Variants in COL26A1 observed in about 807,000 individuals in gnomAD.
The protein encoded by COL26A1 is collagen alpha-1(XXVI) chain.
In COL26A1, 41 loss-of-function variants were observed where a neutral mutation model predicts 59.3. The ratio of observed to expected loss-of-function variants is 0.69; its 90% CI spans 0.54 to 0.90. COL26A1 has a LOEUF of 0.90. Among genes scored for constraint, COL26A1 ranks in the 40% least tolerant of loss-of-function variants. The pLI, the probability that COL26A1 is intolerant of heterozygous loss-of-function variation, is 0.00. For synonymous variants in COL26A1, 266 were observed against 256.0 expected (o/e 1.04, Z -0.37); for missense variants, 612 against 602.3 (o/e 1.02, Z -0.17).
At chr7:101,467,869 A>G (rs1793801903) in intron 3 of COL26A1, among the ~76,000 whole-genome samples, 1 of 152,006 alleles carries the variant, frequency 6.6e-6, no homozygotes, top group African/African-American at 2.4e-5. Context: ...TCCGTCTCAA[A>G]AGAAAAGAAA....
chr7:101,425,103 T>TACTCAGGAGAC (rs1554408984), intron 2 of COL26A1, among the ~76,000 whole-genome samples: 4 of 147,706 alleles, frequency 2.7e-5, no homozygotes, highest in Non-Finnish European at 4.6e-5. Context: ...AAAAAAAATT[T>TACTCAGGAGAC]TGGCCAGGCG....
intron 3 of COL26A1, among the ~76,000 whole-genome samples, chr7:101,488,011 G>A (rs1053830539): frequency 1.1e-4 from 17 of 151,960 alleles, no homozygotes; most frequent in Non-Finnish European, 2.1e-4. Flanking sequence ...AGTGGCTCAC[G>A]CCTATAATCC....
intron 3 of COL26A1, among the ~76,000 whole-genome samples, chr7:101,465,994 G>A (rs1388954277): frequency 1.3e-5 from 2 of 152,126 alleles, no homozygotes; most frequent in Non-Finnish European, 2.9e-5. Context: ...ACTTGCTAAC[G>A]GCCCTGACTG....
rs1231855776 is a variant in COL26A1 at position 101,419,913 on chromosome 7, C to A, written c.159-64C>A. On this transcript the variant is annotated intron_variant, in intron 1 of 12. Coordinates refer to ENST00000313669, the MANE Select transcript of COL26A1 (RefSeq NM_001278563.3). ...GGCCCCTCCCTGTCCAGCACGGCCC[C>A]CTGACCCGAAGTTGGCAGCTCTGGG... The A allele has an allele frequency of 1.9e-6, 3 of 1,581,358 alleles. No individual in the cohort carries two copies. In the African/African-American group the frequency reaches 4.0e-5, roughly 21 times the overall value.
At chr7:101,471,683 G>A (rs1793909845) in intron 3 of COL26A1, among the ~76,000 whole-genome samples, 1 of 146,040 alleles carries the variant, frequency 6.8e-6, no homozygotes, top group Admixed American at 7.1e-5. Context: ...GAGTTCAAGC[G>A]ATTCTCCTGC....
chr7:101,468,670 G>A (rs1460624603), intron 3 of COL26A1, among the ~76,000 whole-genome samples: 1 of 152,208 alleles, frequency 6.6e-6, no homozygotes, highest in Non-Finnish European at 1.5e-5. Context: ...TAGCATGTTC[G>A]GTGGTTAAAC....
intron 2 of COL26A1, among the ~76,000 whole-genome samples, chr7:101,425,711 C>T (rs1792628937): frequency 6.6e-6 from 1 of 151,940 alleles, no homozygotes; most frequent in African/African-American, 2.4e-5. Context: ...CCATGTTGGC[C>T]ATGTCGGTCT....
intron 1 of COL26A1, among the ~76,000 whole-genome samples, chr7:101,394,896 CAG>C (rs370262521): frequency 0.023 from 2,654 of 115,136 alleles, 44 homozygotes; most frequent in Non-Finnish European, 0.032. Flanking sequence ...TTTTTTGAGA[CAG>C]AGTCTCGTGC....
rs561783016 is a variant in COL26A1, at chr7:101,497,682, A to T, written c.386-35400A>T. On this transcript the variant is annotated intron_variant, in intron 3 of 12. Coordinates refer to ENST00000313669, the MANE Select transcript of COL26A1 (RefSeq NM_001278563.3). ...CAGAGCAAGACCCTGCCTCAGAAAA[A>T]AAATAAATAAATAAAAGGCCAGGCG... 3.3e-4 allele frequency among the ~76,000 whole-genome samples: 50 copies of T among 151,648 alleles called. 1 individual carries two copies. The highest frequency in any genetic ancestry group is 2.5e-3 in the East Asian group (13 of 5,136).
In COL26A1 at chr7:101,547,222, G is replaced by A; in HGVS notation, c.923G>A (p.Gly308Asp). The stretch of plus-strand genomic sequence containing the variant: ...CTGGCAGGTGTCCCAGGACCCCGGG[G>A]TCCCCCTGGTCCACCAGGTAAGTGA... ...TVLAGVPGPR[G>D]PPGPPGPPGP... Residue 308 changes from glycine (G) to aspartate (D), a missense_variant, in exon 8 of 13, where the codon GGT (glycine) becomes GAT (aspartate). Gly to Asp is a moderately conservative substitution (Grantham distance 94). Transcript: ENST00000313669. The A allele has an allele frequency of 1.9e-6, 3 of 1,583,072 alleles. No homozygotes were observed. The highest frequency in any genetic ancestry group is 2.6e-6 in the Non-Finnish European group (3 of 1,166,204).
At chr7:101,393,424 G>C (rs1050916739) in intron 1 of COL26A1, among the ~76,000 whole-genome samples, 4 of 152,092 alleles carry the variant, frequency 2.6e-5, no homozygotes, top group Non-Finnish European at 5.9e-5. Flanking sequence ...GGGCTGGGAG[G>C]CTAGGCCAGT....
rs202154366 is a variant in COL26A1 at position 101,438,360 on chromosome 7, C to CA, written c.282-9315dup. ...TGGGCAACAGAGCGAGACTCCGTCT[C>CA]AAAAAAAAATAAACAACAGTAAAAA... is the stretch of plus-strand genomic sequence containing the variant. On this transcript the variant is annotated intron_variant, in intron 2 of 12. Transcript: ENST00000313669. Among the ~76,000 whole-genome samples the CA allele has an allele frequency of 6.8e-5, 10 of 147,758 alleles. 1 individual carries two copies. The highest frequency in any genetic ancestry group is 2.2e-4 in the South Asian group (1 of 4,522).
rs537733209 is a variant in COL26A1 at position 101,547,071 on chromosome 7, G to C, written c.857-85G>C. The C allele has an allele frequency of 3.0e-4, 280 of 946,572 alleles. 2 individuals are homozygous for C. The South Asian group carries it at 4.3e-3, about 15-fold the overall frequency. The allele number at this position is 946,572 out of a possible 1,614,324, so 58.6% of individuals were successfully genotyped here. On this transcript the variant is annotated intron_variant, in intron 7 of 12. Coordinates refer to ENST00000313669, the MANE Select transcript of COL26A1 (RefSeq NM_001278563.3). ...GCCCCCCTGGGCTTCGTGTGGCCTG[G>C]CTCAGGGCTCAGTGCCCCGGACCAG...
intron 11 of COL26A1, 128 bp from the exon 12 acceptor site, chr7:101,555,659 G>C: frequency 1.6e-6 from 1 of 622,388 alleles, no homozygotes; most frequent in South Asian, 1.9e-5. Flanking sequence ...ATTTGCAGTG[G>C]TGAGGGTGTC....
chr7:101,465,691 CAAAAAAAAAAAAAAAA>C lies in COL26A1; in HGVS notation c.385+17910_385+17925del, dbSNP rs539721605. ...CCTGGACGACAAAGTGAAACTGTCT[CAAAAAAAAAAAAAAAA>C]AAAAAGAAAAGAAAAAGAAACAAAG... On this transcript the variant is annotated intron_variant, in intron 3 of 12. Transcript: ENST00000313669. 1.8e-4 allele frequency among the ~76,000 whole-genome samples: 18 copies of C among 102,676 alleles called. No homozygotes were observed. In the South Asian group the frequency reaches 5.8e-3, roughly 33 times the overall value. The allele number at this position is 102,676 out of a possible 152,430, so 67.4% of individuals were successfully genotyped here.
chr7:101,537,584 C>A (rs1468676734), intron 4 of COL26A1, among the ~76,000 whole-genome samples: 1 of 152,234 alleles, frequency 6.6e-6, no homozygotes, highest in Non-Finnish European at 1.5e-5. Flanking sequence ...CAGATTCCAA[C>A]CAGGGCTCCT....
chr7:101,375,989 GAA>G (rs35433251), intron 1 of COL26A1, among the ~76,000 whole-genome samples: 52,950 of 122,556 alleles, frequency 0.43, 11,960 homozygotes, highest in Admixed American at 0.56. Context: ...CCATCTCAAA[GAA>G]AAAAAAAAAA....
chr7:101,434,041 CTT>C (rs1562976793), intron 2 of COL26A1, among the ~76,000 whole-genome samples: 8 of 79,314 alleles, frequency 1.0e-4, no homozygotes, highest in African/African-American at 5.2e-4. Context: ...ACTCCCTTCC[CTT>C]CCCTCCCTCC....
chr7:101,385,993 G>A (rs1428660150), intron 1 of COL26A1, among the ~76,000 whole-genome samples: 1 of 152,148 alleles, frequency 6.6e-6, no homozygotes. Flanking sequence ...TTACAGGCGT[G>A]AGCCACCGCG....
Sources: gnomAD v4.1 joint callset for allele counts (sites outside exome capture counted in the v4.1 genomes callset) on GRCh38, gnomAD v4.1.1 for gene constraint, MANE v1.5 for transcripts, NCBI Gene and HGNC (gene_info 2026-07-23, HGNC 2026-07-21) for gene names.